The following COL6A6 variants were observed in gnomAD, a reference collection of about 807,000 sequenced individuals.
COL6A6 encodes the protein collagen alpha-6(VI) chain.
A neutral mutation model predicts 208.6 loss-of-function variants in COL6A6; 183 were observed. That is an observed-to-expected ratio of 0.88 (90% CI 0.78 to 0.99). The LOEUF (loss-of-function observed/expected upper bound fraction) is 0.99. Ranked by LOEUF, COL6A6 falls within the 50% of genes least tolerant of loss-of-function variation. COL6A6 has a pLI of 0.00. For missense variants in COL6A6, 2,816 were observed against 2,815.2 expected (o/e 1.00, Z -0.01); for synonymous variants, 973 against 1,011.8 (o/e 0.96, Z 0.73).
In COL6A6 at chr3:130,557,684, C is replaced by G. The variant is rs142806827; in HGVS notation, c.-31-2650C>G. Among the ~76,000 whole-genome samples, 200 of 152,274 alleles carry G rather than the reference C, an allele frequency of 1.3e-3. 2 individuals are homozygous for G. Among genetic ancestry groups the G allele is most frequent in the Non-Finnish European group, 3.8e-4 (26 of 68,022 alleles). On this transcript the variant is annotated intron_variant, in intron 1 of 36. Coordinates refer to ENST00000358511, the MANE Select transcript of COL6A6 (RefSeq NM_001102608.3). ...ATTTATCTTAATTTTGCTGAAGTCT[C>G]TTTTGTTTCCCTTATGGGCTCTTAG...
At position 130,550,823 on chromosome 3, in the gene COL6A6, G is replaced by A. The variant is rs1035873708; in HGVS notation, c.-31-9511G>A. On this transcript the variant is annotated intron_variant, in intron 1 of 36. Coordinates refer to ENST00000358511, the MANE Select transcript of COL6A6 (RefSeq NM_001102608.3). ...AACCATATCAGGCTCTTATTATTTT[G>A]TAGTACATTCCTTCAATCCCCAGTT... Among the ~76,000 whole-genome samples, 5 of 152,272 alleles carry A rather than the reference G, an allele frequency of 3.3e-5. No individual in the cohort carries two copies. In the South Asian group the frequency reaches 8.3e-4, roughly 25 times the overall value.
Position 130,532,941 on chromosome 3 carries a change from ATATGGAT to A in COL6A6, c.-32+15546_-32+15552del, listed in dbSNP as rs142497567. The stretch of plus-strand genomic sequence containing the variant: ...TGGAGCTAGCTTAGATTTTTTCACA[ATATGGAT>A]TCAGAATAGCGGAACTCCTTACTGG... On this transcript the variant is annotated intron_variant, in intron 1 of 36. Coordinates refer to ENST00000358511, the MANE Select transcript of COL6A6 (RefSeq NM_001102608.3). Among the ~76,000 whole-genome samples the A allele has an allele frequency of 9.1e-3, 1,390 of 152,158 alleles. 20 individuals carry two copies. Among genetic ancestry groups the A allele is most frequent in the African/African-American group, 0.03 (1,263 of 41,496 alleles).
chr3:130,533,691 T>C (rs1324897707), intron 1 of COL6A6, among the ~76,000 whole-genome samples: 2 of 152,236 alleles, frequency 1.3e-5, no homozygotes, highest in East Asian at 3.8e-4. Flanking sequence ...TTCCAAGTTT[T>C]GTTTTAATGT....
At chr3:130,640,718 G>A (rs1034243900) in intron 28 of COL6A6, among the ~76,000 whole-genome samples, 1 of 152,030 alleles carries the variant, frequency 6.6e-6, no homozygotes, top group African/African-American at 2.4e-5. Flanking sequence ...TTGAATGCAC[G>A]TGAAAATATT....
chr3:130,648,033 C>T (rs902131055), intron 32 of COL6A6, among the ~76,000 whole-genome samples: 2 of 152,170 alleles, frequency 1.3e-5, no homozygotes, highest in South Asian at 2.1e-4. Flanking sequence ...CCTATCCATG[C>T]ATCATAAACT....
intron 1 of COL6A6, among the ~76,000 whole-genome samples, chr3:130,536,045 C>T (rs1417608614): frequency 4.6e-5 from 7 of 152,120 alleles, no homozygotes; most frequent in Admixed American, 3.3e-4. Context: ...TTATTCTAGC[C>T]ATTTCTCCAG....
Position 130,666,993 on chromosome 3 carries a change from A to G in COL6A6, c.6596+1897A>G, listed in dbSNP as rs1467614802. Among the ~76,000 whole-genome samples the G allele has an allele frequency of 3.3e-5, 5 of 152,350 alleles. 1 individual carries two copies. Among genetic ancestry groups the G allele is most frequent in the African/African-American group, 9.6e-5 (4 of 41,588 alleles). On this transcript the variant is annotated intron_variant, in intron 36 of 36. Transcript: ENST00000358511. ...AATTAGGCTGGTAGGTGATTTATCA[A>G]TTGTAACAGTGGAAACCACAAAACT...
At chr3:130,524,395 CATACAAAGTG>C (rs2061913503) in intron 1 of COL6A6, among the ~76,000 whole-genome samples, 1 of 152,200 alleles carries the variant, frequency 6.6e-6, no homozygotes, top group African/African-American at 2.4e-5. Context: ...CCACTCTAAA[CATACAAAGTG>C]TATAAATTCC....
At chr3:130,578,363 T>G (rs1480317162) in intron 8 of COL6A6, among the ~76,000 whole-genome samples, 1 of 152,230 alleles carries the variant, frequency 6.6e-6, no homozygotes, top group East Asian at 1.9e-4. Flanking sequence ...TAACTGGGTC[T>G]GGGTTCTCCA....
At chr3:130,560,972 A>T (rs1241905340) in intron 2 of COL6A6, among the ~76,000 whole-genome samples, 1 of 152,226 alleles carries the variant, frequency 6.6e-6, no homozygotes, top group African/African-American at 2.4e-5. Context: ...TGTCCAGAGC[A>T]ACTTACATTG....
chr3:130,665,677 A>G (rs2066057782), intron 36 of COL6A6, among the ~76,000 whole-genome samples: 5 of 152,256 alleles, frequency 3.3e-5, no homozygotes, highest in Admixed American at 3.3e-4. Context: ...AAAATGGAGG[A>G]AGAGAGAAAA....
At chr3:130,667,695 A>G (rs1315125383) in intron 36 of COL6A6, among the ~76,000 whole-genome samples, 1 of 152,162 alleles carries the variant, frequency 6.6e-6, no homozygotes, top group Non-Finnish European at 1.5e-5. Flanking sequence ...TGATTTATTT[A>G]AATATGAGAA....
At chr3:130,662,333 C>G in intron 35 of COL6A6, 25 bp downstream of exon 35, 1 of 1,591,566 alleles carries the variant, frequency 6.3e-7, no homozygotes, top group Non-Finnish European at 8.6e-7. Flanking sequence ...CTGTTGTTCT[C>G]TGCACTTTAA....
intron 1 of COL6A6, among the ~76,000 whole-genome samples, chr3:130,546,971 C>T (rs1006217491): frequency 5.9e-5 from 9 of 152,238 alleles, no homozygotes; most frequent in Non-Finnish European, 1.3e-4. Context: ...TCTCCAAGTC[C>T]CCACCCAACT....
At position 130,661,928 on chromosome 3, in the gene COL6A6, A is replaced by C; in HGVS notation, c.6122A>C (p.Lys2041Thr). ...TTCAATCTTACCACCTACAGAAGTAAGCGCCTCATGAAGAGGCATGTGCAC... is the reference window on the plus strand; with the variant it reads ...TTCAATCTTACCACCTACAGAAGTACGCGCCTCATGAAGAGGCATGTGCAC... The part of the protein sequence containing the change: ...AEFNLTTYRS[K>T]RLMKRHVHES... Residue 2041 changes from lysine to threonine, a missense_variant, in exon 35 of 37, where the codon AAG becomes ACG. Lys to Thr is a moderately conservative substitution (Grantham distance 78). Transcript: ENST00000358511. The C allele has an allele frequency of 1.2e-6, 2 of 1,614,030 alleles. No homozygotes were observed. Among genetic ancestry groups the C allele is most frequent in the Non-Finnish European group, 8.5e-7 (1 of 1,179,902 alleles).
At chr3:130,570,100 C>T (rs542814331) in intron 6 of COL6A6, among the ~76,000 whole-genome samples, 23 of 152,296 alleles carry the variant, frequency 1.5e-4, no homozygotes, top group South Asian at 2.1e-4. Context: ...AACACTGCAC[C>T]TTTGGAGGGA....
intron 35 of COL6A6, 92 bp from the exon 36 acceptor site, chr3:130,664,911 A>T: frequency 1.3e-6 from 1 of 799,414 alleles, no homozygotes; most frequent in Non-Finnish European, 2.0e-6. Flanking sequence ...ATGGCTATTT[A>T]AAACAGTAAA....
At chr3:130,603,282 A>G (rs1343896967) in intron 20 of COL6A6, among the ~76,000 whole-genome samples, 2 of 152,242 alleles carry the variant, frequency 1.3e-5, no homozygotes, top group African/African-American at 4.8e-5. Context: ...GCCTCCGCCC[A>G]TTAGCTGCCA....
chr3:130,669,191 T>C (rs2108486508), intron 36 of COL6A6, among the ~76,000 whole-genome samples: 1 of 152,282 alleles, frequency 6.6e-6, no homozygotes, highest in South Asian at 2.1e-4. Flanking sequence ...GGTCAGGAGT[T>C]CAAGGCCAGC....
Sources: allele counts gnomAD v4.1 joint callset (sites outside exome capture counted in the v4.1 genomes callset), GRCh38; gene constraint gnomAD v4.1.1; transcripts MANE v1.5; gene names NCBI Gene and HGNC (gene_info 2026-07-23, HGNC 2026-07-21).